Variants in RBFOX3 observed in about 807,000 individuals in gnomAD.
RBFOX3 encodes the protein RNA binding protein fox-1 homolog 3.
A neutral mutation model predicts 48.7 loss-of-function variants in RBFOX3; 17 were observed. That is an observed-to-expected ratio of 0.35 (90% CI 0.24 to 0.52). The LOEUF (loss-of-function observed/expected upper bound fraction) is 0.52. Ranked by LOEUF, RBFOX3 falls within the 20% of genes least tolerant of loss-of-function variation. RBFOX3 has a pLI of 0.94. For synonymous variants in RBFOX3, 212 were observed against 209.5 expected, an observed-to-expected ratio of 1.01 and a Z score of -0.10; for missense variants, 382 against 497.5, an observed-to-expected ratio of 0.77 and a Z score of 2.21.
At chr17:79,516,427 C>G (rs919210752) in intron 1 of RBFOX3, among the ~76,000 whole-genome samples, 46 of 152,374 alleles carry the variant, frequency 3.0e-4, no homozygotes, top group Non-Finnish European at 6.0e-4. Context: ...CAGAGAGACA[C>G]AGGCTCTCAC....
intron 4 of RBFOX3, among the ~76,000 whole-genome samples, chr17:79,169,729 G>A (rs1599779059): frequency 1.3e-5 from 2 of 152,342 alleles, no homozygotes; most frequent in East Asian, 3.9e-4. Context: ...TGGGGAGAAC[G>A]GGAGGTGGCT....
At position 79,090,861 on chromosome 17, in the gene RBFOX3, G is replaced by A. The variant is rs1254504968; in HGVS notation, c.*22C>T. On this transcript the variant is annotated 3_prime_UTR_variant, in exon 15 of 15. Transcript: ENST00000693108. ...TTTTTGTTTTTGCCCTTCATGGTCCGAGAAGGAAACGGTGGAAGGTTTCAC... is the reference window on the plus strand; with the variant it reads ...TTTTTGTTTTTGCCCTTCATGGTCCAAGAAGGAAACGGTGGAAGGTTTCAC... The A allele has an allele frequency of 5.9e-6, 9 of 1,522,370 alleles. No homozygotes were observed. The highest frequency in any genetic ancestry group is 7.0e-6 in the Non-Finnish European group (8 of 1,136,902). The allele number at this position is 1,522,370 out of a possible 1,614,324, so 94.3% of individuals were successfully genotyped here.
intron 2 of RBFOX3, among the ~76,000 whole-genome samples, chr17:79,374,946 G>A (rs527770564): frequency 1.3e-5 from 2 of 152,130 alleles, no homozygotes; most frequent in South Asian, 2.1e-4. Context: ...CCAAGCTGCG[G>A]CTGCTTCCCT....
chr17:79,323,719 C>A (rs1472669833), intron 2 of RBFOX3, among the ~76,000 whole-genome samples: 6 of 152,234 alleles, frequency 3.9e-5, no homozygotes, highest in Non-Finnish European at 7.3e-5. Context: ...TCTGCCTTGG[C>A]CAGAGATGGC....
intron 1 of RBFOX3, among the ~76,000 whole-genome samples, chr17:79,548,702 G>A (rs2090815811): frequency 6.6e-6 from 1 of 152,228 alleles, no homozygotes; most frequent in Non-Finnish European, 1.5e-5. Flanking sequence ...ACTAAGTGGA[G>A]AACAGCCTGC....
At chr17:79,593,814 G>A (rs1010747045) in intron 1 of RBFOX3, among the ~76,000 whole-genome samples, 4 of 152,190 alleles carry the variant, frequency 2.6e-5, no homozygotes, top group South Asian at 2.1e-4. Context: ...GCGGCCCAAC[G>A]TCTGTTCTCC....
intron 3 of RBFOX3, among the ~76,000 whole-genome samples, chr17:79,245,227 C>T (rs1194538660): frequency 2.0e-5 from 3 of 152,060 alleles, no homozygotes; most frequent in Non-Finnish European, 4.4e-5. Flanking sequence ...CGTACGCCAC[C>T]ACACCCGGCT....
In RBFOX3 at chr17:79,570,059, C is replaced by A. The variant is rs959519071; in HGVS notation, c.-320+40767G>T. On this transcript the variant is annotated intron_variant, in intron 1 of 14. Transcript: ENST00000693108. ...GAATTATGGATGGATGGTGAATGGG[C>A]AGATGGATAGTAGAGAAGGAATGGA... is the stretch of plus-strand genomic sequence containing the variant. Among the ~76,000 whole-genome samples, 242 of 146,432 alleles carry A rather than the reference C, an allele frequency of 1.7e-3. 6 individuals carry two copies. The highest frequency in any genetic ancestry group is 6.0e-3 in the African/African-American group (238 of 39,344).
chr17:79,547,815 G>T (rs2090658270), intron 1 of RBFOX3, among the ~76,000 whole-genome samples: 1 of 149,962 alleles, frequency 6.7e-6, no homozygotes. Context: ...GGCTTGGGTT[G>T]GGTACCTGGG....
intron 1 of RBFOX3, among the ~76,000 whole-genome samples, chr17:79,602,871 C>T (rs927956542): frequency 0.05 from 7,628 of 152,234 alleles, 312 homozygotes; most frequent in East Asian, 0.26. Flanking sequence ...TTCCTTTCCT[C>T]TCCCTCATGG....
intron 2 of RBFOX3, among the ~76,000 whole-genome samples, chr17:79,315,515 G>A (rs931208528): frequency 4.6e-5 from 7 of 152,232 alleles, no homozygotes; most frequent in Non-Finnish European, 1.0e-4. Context: ...GGGGAAGAGC[G>A]GTGTCTCCCA....
At chr17:79,657,468 C>T in the RBFOX3 span, among the ~76,000 whole-genome samples, 6 of 152,184 alleles carry the variant, frequency 3.9e-5, no homozygotes, top group South Asian at 2.1e-4. Context: ...CACCTGAGGT[C>T]GGGAGTTCAA....
At chr17:79,429,497 G>A (rs1023326284) in intron 2 of RBFOX3, among the ~76,000 whole-genome samples, 3 of 152,098 alleles carry the variant, frequency 2.0e-5, no homozygotes, top group Non-Finnish European at 4.4e-5. Flanking sequence ...GCCGTGGACT[G>A]GGCCAGGGTT....
intron 4 of RBFOX3, among the ~76,000 whole-genome samples, chr17:79,146,668 G>C (rs1025472983): frequency 6.6e-6 from 1 of 152,216 alleles, no homozygotes; most frequent in Non-Finnish European, 1.5e-5. Flanking sequence ...TGCCATCTGC[G>C]AGTCCAGCCC....
chr17:79,591,972 C>T (rs935296961), intron 1 of RBFOX3, among the ~76,000 whole-genome samples: 2,989 of 144,238 alleles, frequency 0.021, 113 homozygotes, highest in East Asian at 0.15. Flanking sequence ...AACGTGTGCA[C>T]GCATGTGGTA....
chr17:79,419,537 C>T (rs994213828), intron 2 of RBFOX3, among the ~76,000 whole-genome samples: 15 of 152,200 alleles, frequency 9.9e-5, no homozygotes, highest in African/African-American at 3.1e-4. Context: ...GGCGCTCAGG[C>T]GCTCCGAGGT....
chr17:79,464,036 A>G (rs939739596), intron 2 of RBFOX3, among the ~76,000 whole-genome samples: 5 of 152,206 alleles, frequency 3.3e-5, no homozygotes, highest in South Asian at 2.1e-4. Context: ...CTGCTCTGCA[A>G]AAACAAACTC....
At chr17:79,325,770 G>T (rs756951144) in intron 2 of RBFOX3, among the ~76,000 whole-genome samples, 13 of 152,008 alleles carry the variant, frequency 8.6e-5, no homozygotes, top group Non-Finnish European at 1.8e-4. Context: ...GATATTTATC[G>T]TTCGCTCCCT....
Position 79,254,002 on chromosome 17 carries a change from A to T in RBFOX3, c.-73-18197T>A, listed in dbSNP as rs1417689792. ...AACCTAAGCACTTTTCTCTTCCCCC[A>T]CGCAGCCTCTGAGGGCGGGTATGGG... On this transcript the variant is annotated intron_variant, in intron 3 of 14. Coordinates refer to ENST00000693108, the MANE Select transcript of RBFOX3 (RefSeq NM_001350451.2). The surrounding 1 kb of genome is among the most constrained non-coding windows in gnomAD (Gnocchi z 4.8). 6.6e-6 allele frequency among the ~76,000 whole-genome samples: 1 copy of T among 151,672 alleles called. No homozygotes were observed. Among genetic ancestry groups the T allele is most frequent in the East Asian group, 1.9e-4 (1 of 5,152 alleles).
Sources: gnomAD v4.1 joint callset for allele counts (sites outside exome capture counted in the v4.1 genomes callset) on GRCh38, gnomAD v4.1.1 for gene constraint, Gnocchi (gnomAD v3.1) non-coding constraint, MANE v1.5 for transcripts, NCBI Gene and HGNC (gene_info 2026-07-23, HGNC 2026-07-21) for gene names.